The following ABLIM2 variants were observed in gnomAD, a reference collection of about 807,000 sequenced individuals.
The protein encoded by ABLIM2 is actin-binding LIM protein 2.
In ABLIM2, 53 loss-of-function variants were observed where a neutral mutation model predicts 97.7. That is an observed-to-expected ratio of 0.54 (90% CI 0.44 to 0.68). ABLIM2 has a LOEUF of 0.68. Among genes scored for constraint, ABLIM2 ranks in the 30% least tolerant of loss-of-function variants. The pLI is 0.00. For missense variants in ABLIM2, 835 were observed against 867.2 expected (o/e 0.96, Z 0.47); for synonymous variants, 361 against 345.8 (o/e 1.04, Z -0.49).
chr4:8,052,911 C>A (rs1796949977), intron 8 of ABLIM2, among the ~76,000 whole-genome samples: 7 of 152,292 alleles, frequency 4.6e-5, no homozygotes, highest in Admixed American at 2.6e-4. Context: ...CTACGGGATA[C>A]CCCACATTCG....
At chr4:8,119,031 A>G (rs1844052285) in intron 1 of ABLIM2, among the ~76,000 whole-genome samples, 1 of 152,194 alleles carries the variant, frequency 6.6e-6, no homozygotes, top group Admixed American at 6.5e-5. Context: ...TCTCTGAAAC[A>G]GGACAAGCCT....
Position 7,992,804 on chromosome 4 carries a change from A to T in ABLIM2, c.1680+62T>A. 6.4e-7 allele frequency: 1 copy of T among 1,561,848 alleles called. No individual in the cohort carries two copies. The highest frequency in any genetic ancestry group is 8.8e-7 in the Non-Finnish European group (1 of 1,142,538). On this transcript the variant is annotated intron_variant, in intron 17 of 20. Transcript: ENST00000447017. The surrounding 1 kb of genome is among the most constrained non-coding windows in gnomAD (Gnocchi z 5.7). Reference sequence around the variant, plus strand: ...TGCTGTGTGGTCAAGAAGCTGTGGGAAACGTGCTCAGCCTCACAGCAATCG... The same window carrying T: ...TGCTGTGTGGTCAAGAAGCTGTGGGTAACGTGCTCAGCCTCACAGCAATCG...
Position 8,124,188 on chromosome 4 carries a change from A to G in ABLIM2, c.11-17551T>C, listed in dbSNP as rs539493789. 6.6e-6 allele frequency among the ~76,000 whole-genome samples: 1 copy of G among 152,284 alleles called. No homozygotes were observed. The highest frequency in any genetic ancestry group is 1.9e-4 in the East Asian group (1 of 5,182). On this transcript the variant is annotated intron_variant, in intron 1 of 20. Coordinates refer to ENST00000447017, the MANE Select transcript of ABLIM2 (RefSeq NM_001130083.2). The surrounding 1 kb of genome is among the most constrained non-coding windows in gnomAD (Gnocchi z 6.1). The stretch of plus-strand genomic sequence containing the variant: ...ACCTCGATGTGCTTTCAGAAACAAT[A>G]TTCTCAGCACCTCCACAGAGCCTAG...
At chr4:8,118,407 T>C (rs1374128347) in intron 1 of ABLIM2, among the ~76,000 whole-genome samples, 1 of 152,132 alleles carries the variant, frequency 6.6e-6, no homozygotes, top group African/African-American at 2.4e-5. Flanking sequence ...GTAGGTCCCT[T>C]TTCCCTCCAG....
At chr4:8,086,439 C>T (rs1464682206) in intron 4 of ABLIM2, among the ~76,000 whole-genome samples, 1 of 151,556 alleles carries the variant, frequency 6.6e-6, no homozygotes, top group African/African-American at 2.4e-5. Context: ...TCTCTGCCTC[C>T]CAAGTTCAAG....
At chr4:8,143,246 G>C (rs1851305206) in intron 1 of ABLIM2, among the ~76,000 whole-genome samples, 1 of 151,220 alleles carries the variant, frequency 6.6e-6, no homozygotes, top group Non-Finnish European at 1.5e-5. Flanking sequence ...GCATCTGCCT[G>C]TTGTACTGTC....
At chr4:8,145,459 C>T (rs567891767) in intron 1 of ABLIM2, among the ~76,000 whole-genome samples, 4 of 152,216 alleles carry the variant, frequency 2.6e-5, no homozygotes, top group East Asian at 3.9e-4. Flanking sequence ...GCTGGGATTA[C>T]AGGCATGAGC....
In ABLIM2 at chr4:8,019,397, C is replaced by T. The variant is rs967586366; in HGVS notation, c.1423+221G>A. On this transcript the variant is annotated intron_variant, in intron 14 of 20. Transcript: ENST00000447017. This position sits in a 1 kb window ranked among gnomAD's most constrained non-coding sequence, Gnocchi z 4.3. Reference sequence around the variant, plus strand: ...GTGCATTAGCCTCGGCGTCGTAACGCACAGAAGTTCCTTACTCAGACATAC... The same window carrying T: ...GTGCATTAGCCTCGGCGTCGTAACGTACAGAAGTTCCTTACTCAGACATAC... Among the ~76,000 whole-genome samples, 3 of 152,182 alleles carry T rather than the reference C, an allele frequency of 2.0e-5. No homozygotes were observed. The highest frequency in any genetic ancestry group is 7.2e-5 in the African/African-American group (3 of 41,432).
In ABLIM2 at chr4:8,029,767, C is replaced by A; in HGVS notation, c.1057G>T (p.Asp353Tyr). 6.4e-7 allele frequency: 1 copy of A among 1,569,762 alleles called. No individual in the cohort carries two copies. Among genetic ancestry groups the A allele is most frequent in the Non-Finnish European group, 8.6e-7 (1 of 1,157,784 alleles). ...DRQSYGEGDQ[D>Y]DRSYKQCRTS... is the part of the protein sequence containing the mutation. The stretch of plus-strand genomic sequence containing the variant: ...CGACACTGCTTGTAGGACCGGTCAT[C>A]CTGATCCCCCTGGGAGGGAAGATGC... Residue 353 changes from aspartate to tyrosine, a missense_variant, in exon 11 of 21, where the codon GAT becomes TAT. Coordinates refer to ENST00000447017, the MANE Select transcript of ABLIM2 (RefSeq NM_001130083.2).
chr4:8,061,416 A>G lies in ABLIM2; in HGVS notation c.676-362T>C, dbSNP rs1400274748. Among the ~76,000 whole-genome samples the G allele has an allele frequency of 6.6e-6, 1 of 152,122 alleles. No homozygotes were observed. Among genetic ancestry groups the G allele is most frequent in the Admixed American group, 6.6e-5 (1 of 15,266 alleles). On this transcript the variant is annotated intron_variant, in intron 6 of 20. Coordinates refer to ENST00000447017, the MANE Select transcript of ABLIM2 (RefSeq NM_001130083.2). This position sits in a 1 kb window ranked among gnomAD's most constrained non-coding sequence, Gnocchi z 4.5. Reference sequence around the variant, plus strand: ...GGGAGCGGGAGGGACAGGAGGAGGAAGAAAAGGGGAGAGGGAGGGGAGGGA... The same window carrying G: ...GGGAGCGGGAGGGACAGGAGGAGGAGGAAAAGGGGAGAGGGAGGGGAGGGA...
At chr4:8,017,986 C>T (rs1435028328) in intron 14 of ABLIM2, among the ~76,000 whole-genome samples, 3 of 146,446 alleles carry the variant, frequency 2.0e-5, no homozygotes, top group Non-Finnish European at 3.0e-5. Flanking sequence ...AGCGAGACTC[C>T]GTCTCAAAAA....
rs1260858132 is a variant in ABLIM2 at position 8,127,378 on chromosome 4, G to A, written c.11-20741C>T. On this transcript the variant is annotated intron_variant, in intron 1 of 20. Coordinates refer to ENST00000447017, the MANE Select transcript of ABLIM2 (RefSeq NM_001130083.2). The surrounding 1 kb of genome is among the most constrained non-coding windows in gnomAD (Gnocchi z 7.3). ...TGCACCCACTGGCGCTCGTGGTGCCGGCGCTCATGACCTTCACGCAGGGCA... is the reference window on the plus strand; with the variant it reads ...TGCACCCACTGGCGCTCGTGGTGCCAGCGCTCATGACCTTCACGCAGGGCA... Among the ~76,000 whole-genome samples the A allele has an allele frequency of 2.0e-5, 3 of 152,152 alleles. No homozygotes were observed. The highest frequency in any genetic ancestry group is 2.4e-5 in the African/African-American group (1 of 41,428).
chr4:8,028,123 T>C (rs1290825640), intron 11 of ABLIM2, among the ~76,000 whole-genome samples: 1 of 152,198 alleles, frequency 6.6e-6, no homozygotes, highest in South Asian at 2.1e-4. Flanking sequence ...GTTAGGCCCC[T>C]AGCCAGGCCT....
chr4:8,057,165 C>T (rs1367861591), intron 7 of ABLIM2, among the ~76,000 whole-genome samples: 3 of 144,782 alleles, frequency 2.1e-5, no homozygotes, highest in Non-Finnish European at 4.5e-5. Context: ...GTTATGCAAT[C>T]TCAGCTCACT....
In ABLIM2 at chr4:8,044,363, C is replaced by G. The variant is rs1790766600; in HGVS notation, c.900+801G>C. Among the ~76,000 whole-genome samples, 1 of 152,098 alleles carries G rather than the reference C, an allele frequency of 6.6e-6. No homozygotes were observed. Among genetic ancestry groups the G allele is most frequent in the Non-Finnish European group, 1.5e-5 (1 of 68,022 alleles). ...GCATAAGCCATCCCTCACCTGGCGC[C>G]TGGGGGTCCTCGCCTAGATAAGGAA... On this transcript the variant is annotated intron_variant, in intron 9 of 20. Coordinates refer to ENST00000447017, the MANE Select transcript of ABLIM2 (RefSeq NM_001130083.2). The surrounding 1 kb of genome is among the most constrained non-coding windows in gnomAD (Gnocchi z 4.4).
At position 8,125,121 on chromosome 4, in the gene ABLIM2, C is replaced by T. The variant is rs1237578139; in HGVS notation, c.11-18484G>A. ...TATTCGTATATTCGAGATACAAGTCCCGTGTCAGCTTGCTAATTTGCAAAT... is the reference window on the plus strand; with the variant it reads ...TATTCGTATATTCGAGATACAAGTCTCGTGTCAGCTTGCTAATTTGCAAAT... On this transcript the variant is annotated intron_variant, in intron 1 of 20. Coordinates refer to ENST00000447017, the MANE Select transcript of ABLIM2 (RefSeq NM_001130083.2). This position sits in a 1 kb window ranked among gnomAD's most constrained non-coding sequence, Gnocchi z 6.2. Among the ~76,000 whole-genome samples, 2 of 152,114 alleles carry T rather than the reference C, an allele frequency of 1.3e-5. No individual in the cohort carries two copies. The highest frequency in any genetic ancestry group is 4.8e-5 in the African/African-American group (2 of 41,416).
chr4:8,014,924 CTTT>C (rs72140876), intron 14 of ABLIM2, among the ~76,000 whole-genome samples: 12 of 141,264 alleles, frequency 8.5e-5, no homozygotes, highest in Admixed American at 1.4e-4. Context: ...TCCTTTCTTT[CTTT>C]TTTTTTTTTT....
chr4:8,133,273 G>C (rs1447956361), intron 1 of ABLIM2, among the ~76,000 whole-genome samples: 1 of 152,198 alleles, frequency 6.6e-6, no homozygotes, highest in Non-Finnish European at 1.5e-5. Flanking sequence ...CATGCAGAGG[G>C]GTCAGGGCTT....
At chr4:8,094,645 C>G (rs1456649346) in intron 3 of ABLIM2, among the ~76,000 whole-genome samples, 1 of 152,194 alleles carries the variant, frequency 6.6e-6, no homozygotes, top group African/African-American at 2.4e-5. Context: ...CTACCAGGCC[C>G]AGGGTGTGGT....
Sources: gnomAD v4.1 joint callset for allele counts (sites outside exome capture counted in the v4.1 genomes callset) on GRCh38, gnomAD v4.1.1 for gene constraint, Gnocchi (gnomAD v3.1) non-coding constraint, MANE v1.5 for transcripts, NCBI Gene and HGNC (gene_info 2026-07-23, HGNC 2026-07-21) for gene names.